Variants in FER1L6 observed in about 807,000 individuals in gnomAD.
FER1L6 encodes the protein fer-1-like protein 6.
FER1L6 carries 177 observed loss-of-function variants against 219.2 expected under a neutral mutation model. The observed-to-expected ratio is 0.81, with a 90% confidence interval of 0.71 to 0.91. The LOEUF is 0.91. FER1L6 is among the 40% of genes least tolerant of loss of function. The probability of loss-of-function intolerance (pLI) is 0.00; values close to 1 mark genes in which losing one functional copy is unlikely to be tolerated. For missense variants in FER1L6, 2,153 were observed against 2,259.9 expected, an observed-to-expected ratio of 0.95 and a Z score of 0.96; for synonymous variants, 768 against 824.3, an observed-to-expected ratio of 0.93 and a Z score of 1.17.
At chr8:123,856,666 C>T (rs148355353) in intron 1 of FER1L6, among the ~76,000 whole-genome samples, 43 of 151,736 alleles carry the variant, frequency 2.8e-4, no homozygotes, top group Non-Finnish European at 5.4e-4. Context: ...CCTGGCACCT[C>T]TATATATGAG....
chr8:123,962,922 C>A (rs759549352), intron 2 of FER1L6, among the ~76,000 whole-genome samples: 4 of 152,144 alleles, frequency 2.6e-5, no homozygotes, highest in Admixed American at 6.5e-5. Flanking sequence ...GCCACCGTGC[C>A]CAGCCAGAAA....
At chr8:123,951,569 G>A (rs116976184) in intron 1 of FER1L6, among the ~76,000 whole-genome samples, 198 of 152,242 alleles carry the variant, frequency 1.3e-3, no homozygotes, top group South Asian at 4.6e-3. Flanking sequence ...GATATTTCCC[G>A]TCAGGCTACT....
At chr8:123,901,371 C>T (rs752537267) in intron 1 of FER1L6, among the ~76,000 whole-genome samples, 4 of 152,024 alleles carry the variant, frequency 2.6e-5, no homozygotes, top group East Asian at 1.9e-4. Flanking sequence ...CGTTTCTTAG[C>T]GATGTTATTT....
chr8:123,938,042 G>T (rs1287175203), intron 1 of FER1L6, among the ~76,000 whole-genome samples: 3 of 152,178 alleles, frequency 2.0e-5, no homozygotes, highest in Non-Finnish European at 4.4e-5. Context: ...TGAAGTGTTT[G>T]CTTATTACAT....
At chr8:123,937,034 T>C (rs944051385) in intron 1 of FER1L6, among the ~76,000 whole-genome samples, 1 of 152,162 alleles carries the variant, frequency 6.6e-6, no homozygotes, top group Non-Finnish European at 1.5e-5. Context: ...GCCTCCTGAG[T>C]AGCTGGGATT....
intron 7 of FER1L6, among the ~76,000 whole-genome samples, chr8:123,974,680 A>AAAAAAAAAAAAT (rs1362934333): frequency 1.3e-5 from 2 of 148,490 alleles, no homozygotes; most frequent in Non-Finnish European, 3.0e-5. Context: ...AAAAAAAAAA[A>AAAAAAAAAAAAT]AAGAAATGTG....
intron 5 of FER1L6, 150 bp from the exon 6 acceptor site, chr8:123,969,885 A>AAG: frequency 1.9e-6 from 1 of 531,214 alleles, no homozygotes. Flanking sequence ...AAAAAAAAAA[A>AAG]AGAGAATTGA....
chr8:124,067,857 G>C, intron 28 of FER1L6, 51 bp downstream of exon 28: 1 of 1,499,930 alleles, frequency 6.7e-7, no homozygotes, highest in Non-Finnish European at 9.3e-7. Context: ...CCATCGTTAC[G>C]AGAAAATTGT....
At chr8:124,056,940 A>G (rs896439936) in intron 22 of FER1L6, among the ~76,000 whole-genome samples, 1 of 152,156 alleles carries the variant, frequency 6.6e-6, no homozygotes, top group Non-Finnish European at 1.5e-5. Context: ...GCTACTCAGG[A>G]GGCTGAGGCA....
At chr8:124,099,705 T>G (rs931109464) in intron 37 of FER1L6, among the ~76,000 whole-genome samples, 3 of 152,192 alleles carry the variant, frequency 2.0e-5, no homozygotes, top group Non-Finnish European at 4.4e-5. Flanking sequence ...AACCCTTCAA[T>G]GACATCTCAT....
At chr8:123,941,124 A>T (rs1290088610) in intron 1 of FER1L6, among the ~76,000 whole-genome samples, 1 of 152,220 alleles carries the variant, frequency 6.6e-6, no homozygotes, top group South Asian at 2.1e-4. Flanking sequence ...GGGTAAACCA[A>T]CTCAAGCCCT....
chr8:123,979,598 G>A (rs1816234272), intron 10 of FER1L6, among the ~76,000 whole-genome samples: 1 of 152,182 alleles, frequency 6.6e-6, no homozygotes, highest in Non-Finnish European at 1.5e-5. Flanking sequence ...ATTAAGAAGT[G>A]AAAATACTTA....
chr8:123,907,813 G>A (rs947902406), intron 1 of FER1L6, among the ~76,000 whole-genome samples: 4 of 151,538 alleles, frequency 2.6e-5, no homozygotes, highest in African/African-American at 9.7e-5. Flanking sequence ...CAAACAATGG[G>A]CAGAGAAATA....
In FER1L6 at chr8:124,119,063, G is replaced by A. The variant is rs1384777780; in HGVS notation, c.5390+119G>A. On this transcript the variant is annotated intron_variant, in intron 40 of 40. Transcript: ENST00000522917. ...TGTGGGAGAACTGGGAAGCCAGGAG[G>A]CAGTCAATTGGTGCTTTCCAACCTG... is the stretch of plus-strand genomic sequence containing the variant. The A allele has an allele frequency of 5.1e-6, 4 of 780,086 alleles. No homozygotes were observed. In the African/African-American group the frequency reaches 7.0e-5, roughly 14 times the overall value. The allele number at this position is 780,086 out of a possible 1,614,324, so 48.3% of individuals were successfully genotyped here.
At position 124,064,330 on chromosome 8, in the gene FER1L6, A is replaced by T. The variant is rs1290200254; in HGVS notation, c.3329-17A>T. 2 of 1,606,720 alleles carry T rather than the reference A, an allele frequency of 1.2e-6. No individual in the cohort carries two copies. Among genetic ancestry groups the T allele is most frequent in the Non-Finnish European group, 1.7e-6 (2 of 1,173,848 alleles). ...TGATGCAGCCCAGCTCCCTGACCTGATGTGCTTTCATTTCAGATATTTCAG... is the reference window on the plus strand; with the variant it reads ...TGATGCAGCCCAGCTCCCTGACCTGTTGTGCTTTCATTTCAGATATTTCAG... On this transcript the variant is annotated splice_polypyrimidine_tract_variant and intron_variant, in intron 25 of 40. Coordinates refer to ENST00000522917, the MANE Select transcript of FER1L6 (RefSeq NM_001039112.2).
chr8:124,048,911 T>G (rs193252455), intron 21 of FER1L6, among the ~76,000 whole-genome samples: 3 of 151,088 alleles, frequency 2.0e-5, no homozygotes, highest in Admixed American at 2.0e-4. Flanking sequence ...TGCCGCCTGA[T>G]TTTTCCTTTT....
intron 1 of FER1L6, among the ~76,000 whole-genome samples, chr8:123,918,772 T>C (rs1346915838): frequency 1.3e-5 from 2 of 152,162 alleles, no homozygotes; most frequent in South Asian, 4.1e-4. Flanking sequence ...TGCTTTGGCG[T>C]TCTTAAGAAT....
At chr8:124,106,210 T>G (rs1365161459) in intron 39 of FER1L6, among the ~76,000 whole-genome samples, 1 of 151,682 alleles carries the variant, frequency 6.6e-6, no homozygotes, top group Non-Finnish European at 1.5e-5. Context: ...GTGCCTGTAG[T>G]CCCAGCTACT....
intron 1 of FER1L6, among the ~76,000 whole-genome samples, chr8:123,954,734 A>G (rs1814934994): frequency 6.6e-6 from 1 of 152,194 alleles, no homozygotes; most frequent in Non-Finnish European, 1.5e-5. Flanking sequence ...CCAACTGTGG[A>G]GGCTGATCTT....
Sources: gnomAD v4.1 joint callset for allele counts (sites outside exome capture counted in the v4.1 genomes callset) on GRCh38, gnomAD v4.1.1 for gene constraint, MANE v1.5 for transcripts, NCBI Gene and HGNC (gene_info 2026-07-23, HGNC 2026-07-21) for gene names.